ZHX3: variants seen among roughly 807,000 people sequenced by gnomAD.
The protein encoded by ZHX3 is zinc fingers and homeoboxes 3.
In ZHX3, 20 loss-of-function variants were observed where a neutral mutation model predicts 64.5. That is an observed-to-expected ratio of 0.31 (90% CI 0.22 to 0.45). The LOEUF is 0.45. Among genes scored for constraint, ZHX3 ranks in the 20% least tolerant of loss-of-function variants. The pLI is 1.00. For missense variants in ZHX3, 1,041 were observed against 1,195.8 expected (o/e 0.87, Z 1.91); for synonymous variants, 423 against 461.6 (o/e 0.92, Z 1.07).
At chr20:41,242,689 A>G (rs1275787234) in intron 2 of ZHX3, among the ~76,000 whole-genome samples, 1 of 152,202 alleles carries the variant, frequency 6.6e-6, no homozygotes, top group Non-Finnish European at 1.5e-5. Context: ...TTTCAAAGTT[A>G]TCTCCAAGGA....
At chr20:41,234,719 C>G (rs1263636118) in intron 2 of ZHX3, among the ~76,000 whole-genome samples, 1 of 152,216 alleles carries the variant, frequency 6.6e-6, no homozygotes, top group African/African-American at 2.4e-5. Flanking sequence ...CTGCAAGCCC[C>G]TTTTTGCTTT....
Position 41,232,959 on chromosome 20 carries a change from A to G in ZHX3, c.-150-27893T>C, listed in dbSNP as rs1167682122. On this transcript the variant is annotated intron_variant, in intron 2 of 3. Coordinates refer to ENST00000683867, the MANE Select transcript of ZHX3 (RefSeq NM_001384317.1). The surrounding 1 kb of genome is among the most constrained non-coding windows in gnomAD (Gnocchi z 5.0). ...CATGACAGAGTCAGGAGAAACTTAC[A>G]CAAGGCTGGTCTTAGGGTTCGTTTA... Among the ~76,000 whole-genome samples the G allele has an allele frequency of 6.6e-6, 1 of 152,250 alleles. No homozygotes were observed. The highest frequency in any genetic ancestry group is 1.5e-5 in the Non-Finnish European group (1 of 68,036).
In ZHX3 at chr20:41,203,585, G is replaced by C. The variant is rs867279076; in HGVS notation, c.1332C>G (p.Pro444=). Reference sequence around the variant, plus strand: ...GCTTGGGGACGGATGTCACCGTGAGGGGGAGAGGGGAACTTGTTGCTTGCA... The same window carrying C: ...GCTTGGGGACGGATGTCACCGTGAGCGGGAGAGGGGAACTTGTTGCTTGCA... ...NGLQATSSPL[P]LTVTSVPKQP... Residue 444 remains proline (P), a synonymous_variant, in exon 3 of 4, where the codon CCC becomes CCG. Transcript: ENST00000683867. This position sits in a 1 kb window ranked among gnomAD's most constrained non-coding sequence, Gnocchi z 7.1. 6.2e-7 allele frequency: 1 copy of C among 1,614,110 alleles called. No individual in the cohort carries two copies. The highest frequency in any genetic ancestry group is 8.5e-7 in the Non-Finnish European group (1 of 1,180,054).
intron 2 of ZHX3, among the ~76,000 whole-genome samples, chr20:41,248,723 G>A (rs2041840096): frequency 6.6e-6 from 1 of 152,158 alleles, no homozygotes; most frequent in Admixed American, 6.5e-5. Context: ...GAATGAATGT[G>A]GGCAATCGCT....
intron 3 of ZHX3, among the ~76,000 whole-genome samples, chr20:41,191,840 A>AG (rs2037046230): frequency 6.6e-6 from 1 of 152,220 alleles, no homozygotes; most frequent in African/African-American, 2.4e-5. Context: ...AATTTTGCTA[A>AG]GGACTGGAAT....
rs904628823 is a variant in ZHX3 at position 41,218,930 on chromosome 20, T to G, written c.-150-13864A>C. ...TCCCCCTCAAACAGTGCTGTTTTTT[T>G]TTTTTTTTTTTTTTTTTGAGACGGA... On this transcript the variant is annotated intron_variant, in intron 2 of 3. Transcript: ENST00000683867. 2.3e-3 allele frequency among the ~76,000 whole-genome samples: 329 copies of G among 144,212 alleles called. 1 individual carries two copies. Among genetic ancestry groups the G allele is most frequent in the African/African-American group, 8.0e-3 (307 of 38,414 alleles). The allele number at this position is 144,212 out of a possible 152,430, so 94.6% of individuals were successfully genotyped here.
At chr20:41,279,326 CCCA>C (rs1454061231) in intron 1 of ZHX3, among the ~76,000 whole-genome samples, 2 of 152,034 alleles carry the variant, frequency 1.3e-5, no homozygotes, top group Non-Finnish European at 2.9e-5. Context: ...TTATATACTC[CCCA>C]CCACAACCCC....
chr20:41,180,640 C>A lies in ZHX3; in HGVS notation c.*4551G>T, dbSNP rs1254099314. ...CAGACGCTCTCTGTACTCCCATTAA[C>A]TTCACAACCAAGTGCAGACGCTCGG... is the stretch of plus-strand genomic sequence containing the variant. On this transcript the variant is annotated 3_prime_UTR_variant, in exon 4 of 4. Coordinates refer to ENST00000683867, the MANE Select transcript of ZHX3 (RefSeq NM_001384317.1). The A allele has an allele frequency of 6.6e-6, 1 of 152,294 alleles. No homozygotes were observed. The highest frequency in any genetic ancestry group is 1.5e-5 in the Non-Finnish European group (1 of 68,088). 9.4% of individuals were successfully genotyped at this position (152,294 alleles called of 1,614,324 possible). A position where few individuals can be genotyped will look rare whatever the true frequency, so the allele number is the denominator to read the frequency against.
intron 1 of ZHX3, among the ~76,000 whole-genome samples, chr20:41,295,800 G>A (rs896968635): frequency 6.6e-6 from 1 of 151,120 alleles, no homozygotes; most frequent in African/African-American, 2.4e-5. Flanking sequence ...GCAGTGAGCC[G>A]AGATTGCGCC....
chr20:41,210,650 G>C (rs914660072), intron 2 of ZHX3, among the ~76,000 whole-genome samples: 1 of 152,122 alleles, frequency 6.6e-6, no homozygotes. Context: ...TGAACAATGA[G>C]AATACTTGGA....
At chr20:41,288,881 T>C (rs568951758) in intron 1 of ZHX3, among the ~76,000 whole-genome samples, 8 of 152,228 alleles carry the variant, frequency 5.3e-5, no homozygotes, top group Non-Finnish European at 1.2e-4. Context: ...TTTAATTGTA[T>C]GTGTTTTGCA....
rs2043643905 is a variant in ZHX3, at chr20:41,280,872, A to G, written c.-244-11789T>C. ...GGAGGATAAATCTAGATGATCCAAT[A>G]TGTCTAACCCTTTTTTTTTTTAAAG... On this transcript the variant is annotated intron_variant, in intron 1 of 3. Transcript: ENST00000683867. 9.2e-5 allele frequency among the ~76,000 whole-genome samples: 14 copies of G among 151,632 alleles called. No individual in the cohort carries two copies. In the South Asian group the frequency reaches 2.9e-3, roughly 32 times the overall value.
At position 41,203,060 on chromosome 20, in the gene ZHX3, T is replaced by C. The variant is rs201772741; in HGVS notation, c.1857A>G (p.Arg619=). The C allele has an allele frequency of 9.5e-5, 153 of 1,614,030 alleles. No homozygotes were observed. The highest frequency in any genetic ancestry group is 1.3e-4 in the Non-Finnish European group (148 of 1,180,038). ...CCAGGGCTCTGAGCTGCTCAGGGGC[T>C]CTCTCCTTGTATTTGGTTGGTGTGA... ...PDFTPTKYKE[R]APEQLRALES... The change falls in exon 3 of 4, where the codon AGA becomes AGG. Residue 619 remains arginine, a synonymous_variant. Transcript: ENST00000683867. This position sits in a 1 kb window ranked among gnomAD's most constrained non-coding sequence, Gnocchi z 7.1.
chr20:41,194,542 T>C (rs923189721), intron 3 of ZHX3, among the ~76,000 whole-genome samples: 2 of 152,158 alleles, frequency 1.3e-5, no homozygotes, highest in African/African-American at 4.8e-5. Flanking sequence ...TTTCTTGTAG[T>C]GCCCTTGTCT....
At chr20:41,284,746 G>A (rs1195868823) in intron 1 of ZHX3, among the ~76,000 whole-genome samples, 1 of 152,014 alleles carries the variant, frequency 6.6e-6, no homozygotes, top group African/African-American at 2.4e-5. Context: ...CAAACCCTCA[G>A]CATCAAATCT....
In ZHX3 at chr20:41,180,385, CAGGGTCTGCCT is replaced by C. The variant is rs2036204924; in HGVS notation, c.*4795_*4805del. On this transcript the variant is annotated 3_prime_UTR_variant, in exon 4 of 4. Transcript: ENST00000683867. ...CCCCTGTCCTTGTCCATATGGTAAC[CAGGGTCTGCCT>C]AGTCTCATCCCCAGCCTCTGGGTTC... The C allele has an allele frequency of 6.6e-6, 1 of 152,370 alleles. No homozygotes were observed. Among genetic ancestry groups the C allele is most frequent in the Admixed American group, 6.5e-5 (1 of 15,290 alleles). The allele number at this position is 152,370 out of a possible 1,614,324, so 9.4% of individuals were successfully genotyped here.
intron 2 of ZHX3, among the ~76,000 whole-genome samples, chr20:41,208,006 G>A (rs1479702783): frequency 6.6e-6 from 1 of 151,896 alleles, no homozygotes; most frequent in African/African-American, 2.4e-5. Flanking sequence ...ACAATAAAGG[G>A]GATATCACCA....
chr20:41,270,291 A>G (rs759587093), intron 1 of ZHX3, among the ~76,000 whole-genome samples: 11 of 149,786 alleles, frequency 7.3e-5, no homozygotes, highest in Non-Finnish European at 1.3e-4. Flanking sequence ...GAGGCAGAAG[A>G]CTTGAACCCA....
chr20:41,211,194 A>AAT (rs1418298808), intron 2 of ZHX3, among the ~76,000 whole-genome samples: 4 of 152,164 alleles, frequency 2.6e-5, no homozygotes, highest in Non-Finnish European at 5.9e-5. Flanking sequence ...CCCTATTACT[A>AAT]ATATAGAATG....
Sources: allele counts gnomAD v4.1 joint callset (sites outside exome capture counted in the v4.1 genomes callset), GRCh38; gene constraint gnomAD v4.1.1; non-coding constraint Gnocchi (gnomAD v3.1); transcripts MANE v1.5; gene names NCBI Gene and HGNC (gene_info 2026-07-23, HGNC 2026-07-21).